Variants in ARID1B observed in about 807,000 individuals in gnomAD.
ARID1B encodes the protein AT-rich interactive domain-containing protein 1B.
A neutral mutation model predicts 212.3 loss-of-function variants in ARID1B; 30 were observed. The observed-to-expected ratio is 0.14, with a 90% CI of 0.11 to 0.19. The LOEUF is 0.19. Among genes scored for constraint, ARID1B ranks in the 10% least tolerant of loss-of-function variants. The pLI is 1.00. For synonymous variants in ARID1B, 1,402 were observed against 1,301.7 expected (o/e 1.08, Z -1.66); for missense variants, 2,891 against 3,204.0 (o/e 0.90, Z 2.36).
rs960356321 is a variant in ARID1B at position 157,148,508 on chromosome 6, A to C, written c.2762-116A>C. 1.6e-5 allele frequency: 18 copies of C among 1,159,538 alleles called. No homozygotes were observed. Among genetic ancestry groups the C allele is most frequent in the Middle Eastern group, 2.9e-4 (1 of 3,438 alleles). 71.8% of individuals were successfully genotyped at this position (1,159,538 alleles called of 1,614,324 possible). A position where few individuals can be genotyped will look rare whatever the true frequency, so the allele number is the denominator to read the frequency against. ...GCACCAGCAGCAACAGGAAGGGCCT[A>C]TAACGGTCATGACTAATACTCCGTG... On this transcript the variant is annotated intron_variant, in intron 7 of 19. Transcript: ENST00000636930. This position sits in a 1 kb window ranked among gnomAD's most constrained non-coding sequence, Gnocchi z 5.6.
rs149312149 is a variant in ARID1B, at chr6:156,817,715, G to A, written c.1792-11512G>A. ...AAAGTTGCAAGAATAGTGCAGAGAAGTCCCATGTACCTTTTATTCTGATGC... is the reference window on the plus strand; with the variant it reads ...AAAGTTGCAAGAATAGTGCAGAGAAATCCCATGTACCTTTTATTCTGATGC... On this transcript the variant is annotated intron_variant, in intron 1 of 19. Transcript: ENST00000636930. Among the ~76,000 whole-genome samples the A allele has an allele frequency of 7.8e-4, 118 of 151,984 alleles. 2 individuals carry two copies. Among genetic ancestry groups the A allele is most frequent in the Non-Finnish European group, 2.2e-4 (15 of 67,976 alleles).
intron 2 of ARID1B, among the ~76,000 whole-genome samples, chr6:156,899,234 AC>A (rs1489553393): frequency 1.3e-5 from 2 of 151,754 alleles, no homozygotes; most frequent in Non-Finnish European, 2.9e-5. Context: ...CACACAACTC[AC>A]GTGCAAAGGG....
chr6:156,943,062 A>G (rs1792795766), intron 4 of ARID1B: 1 of 152,220 alleles, frequency 6.6e-6, no homozygotes, highest in Non-Finnish European at 1.5e-5. Flanking sequence ...AAATACATGT[A>G]GAGAAGGTTC....
In ARID1B at chr6:156,973,656, C is replaced by T. The variant is rs1384779937; in HGVS notation, c.2247+38080C>T. On this transcript the variant is annotated intron_variant, in intron 4 of 19. Coordinates refer to ENST00000636930, the MANE Select transcript of ARID1B (RefSeq NM_001374828.1). ...AATTCTATATTAGTTTACTTTTTAG[C>T]CCTCCAAATCCTTCCTGCTCTCAGG... Among the ~76,000 whole-genome samples, 5 of 152,264 alleles carry T rather than the reference C, an allele frequency of 3.3e-5. No homozygotes were observed. In the East Asian group the frequency reaches 7.7e-4, roughly 23 times the overall value.
At chr6:157,141,355 C>T (rs894743853) in intron 7 of ARID1B, 1 of 152,334 alleles carries the variant, frequency 6.6e-6, no homozygotes, top group African/African-American at 2.4e-5. Flanking sequence ...TTCTTTTACA[C>T]ACTTTGTGTA....
At chr6:157,073,102 C>CTTTTT (rs869172647) in intron 4 of ARID1B, among the ~76,000 whole-genome samples, 1 of 138,844 alleles carries the variant, frequency 7.2e-6, no homozygotes, top group Non-Finnish European at 1.6e-5. Flanking sequence ...TTCACCCCAT[C>CTTTTT]TTTTTTTTTT....
At chr6:156,837,775 A>T (rs1783614589) in intron 2 of ARID1B, among the ~76,000 whole-genome samples, 2 of 152,218 alleles carry the variant, frequency 1.3e-5, no homozygotes, top group Admixed American at 6.5e-5. Context: ...ATTATAAAGA[A>T]GCAGCAGCTT....
rs1488838128 is a variant in ARID1B at position 156,901,415 on chromosome 6, T to C, written c.2026T>C (p.Cys676Arg). The change falls in exon 3 of 20, where the codon TGC becomes CGC. Residue 676 changes from cysteine (C) to arginine (R), a missense_variant. Coordinates refer to ENST00000636930, the MANE Select transcript of ARID1B (RefSeq NM_001374828.1). ...TGGACAGCAAGGTGTGAGTGGTTAC[T>C]GCCAGCAGGGCCAACAGCCATATTA... The part of the protein sequence containing the change: ...QYGQQGVSGY[C>R]QQGQQPYYSQ... 7 of 1,614,182 alleles carry C rather than the reference T, an allele frequency of 4.3e-6. No individual in the cohort carries two copies. The highest frequency in any genetic ancestry group is 1.7e-5 in the Admixed American group (1 of 60,020).
At chr6:157,178,183 GTTTA>G (rs1792238706) in intron 11 of ARID1B, among the ~76,000 whole-genome samples, 1 of 152,056 alleles carries the variant, frequency 6.6e-6, no homozygotes, top group East Asian at 1.9e-4. Flanking sequence ...GTGAAATCCT[GTTTA>G]TAGGATATTT....
At chr6:157,128,605 A>G (rs1454872165) in intron 6 of ARID1B, among the ~76,000 whole-genome samples, 1 of 152,258 alleles carries the variant, frequency 6.6e-6, no homozygotes, top group Non-Finnish European at 1.5e-5. Flanking sequence ...CTGAAAGACC[A>G]GCTTTTCACA....
At chr6:156,986,615 C>A (rs1267961998) in intron 4 of ARID1B, among the ~76,000 whole-genome samples, 1 of 152,172 alleles carries the variant, frequency 6.6e-6, no homozygotes, top group East Asian at 1.9e-4. Flanking sequence ...ACGTGATGTG[C>A]TTAGAGCATT....
intron 1 of ARID1B, among the ~76,000 whole-genome samples, chr6:156,812,241 C>G (rs1333470328): frequency 6.6e-6 from 1 of 152,212 alleles, no homozygotes; most frequent in Non-Finnish European, 1.5e-5. Context: ...AAGTGATCCT[C>G]TGTCCTCAGC....
intron 8 of ARID1B, among the ~76,000 whole-genome samples, chr6:157,161,100 A>G (rs1032252205): frequency 2.6e-5 from 4 of 152,172 alleles, no homozygotes; most frequent in Admixed American, 1.3e-4. Context: ...AGCAGTAGGT[A>G]TTTCTGGTTA....
chr6:157,166,959 A>G (rs1791367116), intron 8 of ARID1B, 81 bp from the exon 9 acceptor site: 2 of 1,536,424 alleles, frequency 1.3e-6, no homozygotes, highest in Non-Finnish European at 1.7e-6. Context: ...ACATAAATGC[A>G]TTAGTAGAAA....
chr6:156,926,051 A>G lies in ARID1B; in HGVS notation c.2137-9415A>G, dbSNP rs116442466. ...TGGGTTTGTCTGAACTCAAAGATTC[A>G]AGGTCCTTAGAAGAGATCTGTGGCT... On this transcript the variant is annotated intron_variant, in intron 3 of 19. Coordinates refer to ENST00000636930, the MANE Select transcript of ARID1B (RefSeq NM_001374828.1). 3.5e-3 allele frequency among the ~76,000 whole-genome samples: 531 copies of G among 152,338 alleles called. 4 individuals are homozygous for G. The highest frequency in any genetic ancestry group is 0.012 in the African/African-American group (501 of 41,580).
At chr6:156,785,342 G>T (rs1271327626) in intron 1 of ARID1B, among the ~76,000 whole-genome samples, 1 of 152,122 alleles carries the variant, frequency 6.6e-6, no homozygotes, top group East Asian at 1.9e-4. Flanking sequence ...TCTGTAAGGT[G>T]CACTTCTCAG....
chr6:157,107,123 TATAATC>T (rs1478498317), intron 5 of ARID1B, among the ~76,000 whole-genome samples: 1 of 152,096 alleles, frequency 6.6e-6, no homozygotes, highest in African/African-American at 2.4e-5. Flanking sequence ...GGATAAAAAA[TATAATC>T]AGAGCAAATA....
chr6:157,129,266 A>T (rs9478752), intron 6 of ARID1B, among the ~76,000 whole-genome samples: 8,675 of 152,324 alleles, frequency 0.057, 382 homozygotes, highest in South Asian at 0.23. Flanking sequence ...GCTGTATTCA[A>T]TACCCACTGC....
chr6:156,874,773 A>C (rs879319409), intron 2 of ARID1B, among the ~76,000 whole-genome samples: 1 of 151,910 alleles, frequency 6.6e-6, no homozygotes, highest in East Asian at 1.9e-4. Flanking sequence ...AACCCTGGCT[A>C]CTCCTCAAAA....
Sources: allele counts gnomAD v4.1 joint callset (sites outside exome capture counted in the v4.1 genomes callset), GRCh38; gene constraint gnomAD v4.1.1; non-coding constraint Gnocchi (gnomAD v3.1); transcripts MANE v1.5; gene names NCBI Gene and HGNC (gene_info 2026-07-23, HGNC 2026-07-21).